Variants in PARD6G observed in about 807,000 individuals in gnomAD.
PARD6G encodes the protein par-6 family cell polarity regulator gamma.
PARD6G carries 7 observed loss-of-function variants against 10.7 expected under a neutral mutation model. The observed-to-expected ratio is 0.66, with a 90% CI of 0.37 to 1.23. PARD6G has a LOEUF of 1.23. PARD6G is among the 50% of genes most tolerant of loss of function. The pLI is 0.02. For missense variants in PARD6G, 548 were observed against 571.8 expected, an observed-to-expected ratio of 0.96 and a Z score of 0.42; for synonymous variants, 287 against 269.4, an observed-to-expected ratio of 1.07 and a Z score of -0.64.
chr18:80,159,957 G>T lies in PARD6G; in HGVS notation c.945C>A (p.Thr315=). ...AGAGGCTGCCTGCGGGCGCGCCCGG[G>T]GTCTGGGGGGGACGTGCAGGCTCCA... ...GTLEPARPPQ[T]PGAPAGSLSR... is the part of the protein sequence containing the mutation. Residue 315 remains threonine, a synonymous_variant, in exon 3 of 3, where the codon ACC becomes ACA. Transcript: ENST00000353265. 1 of 1,494,164 alleles carries T rather than the reference G, an allele frequency of 6.7e-7. No homozygotes were observed. The highest frequency in any genetic ancestry group is 1.4e-5 in the African/African-American group (1 of 70,100). 92.6% of individuals were successfully genotyped at this position (1,494,164 alleles called of 1,614,324 possible).
chr18:80,195,097 C>T (rs561810493), intron 2 of PARD6G, among the ~76,000 whole-genome samples: 9 of 152,280 alleles, frequency 5.9e-5, no homozygotes, highest in African/African-American at 1.7e-4. Context: ...AAGAAAGCCC[C>T]AACCTGTGCC....
chr18:80,204,217 ATAAAG>A (rs1967035076), intron 1 of PARD6G, among the ~76,000 whole-genome samples: 1 of 152,214 alleles, frequency 6.6e-6, no homozygotes, highest in East Asian at 1.9e-4. Context: ...ATATATACAA[ATAAAG>A]TAATGTTTAT....
intron 2 of PARD6G, chr18:80,171,321 C>T (rs973384849): frequency 1.3e-5 from 2 of 152,152 alleles, no homozygotes; most frequent in Non-Finnish European, 2.9e-5. Flanking sequence ...TCTCCACCCT[C>T]CTGGGAAGTC....
chr18:80,169,117 A>T lies in PARD6G; in HGVS notation c.296-8511T>A, dbSNP rs554328170. On this transcript the variant is annotated intron_variant, in intron 2 of 2. Coordinates refer to ENST00000353265, the MANE Select transcript of PARD6G (RefSeq NM_032510.4). ...GCCTTCACGCTCCGGTCACTCAGGA[A>T]GGTGGCTGTGCATGCCTGAGAGCTT... 3.3e-3 allele frequency: 554 copies of T among 169,474 alleles called. 4 individuals carry two copies. The highest frequency in any genetic ancestry group is 0.012 in the African/African-American group (519 of 41,642). 10.5% of individuals were successfully genotyped at this position (169,474 alleles called of 1,614,324 possible). A position where few individuals can be genotyped will look rare whatever the true frequency, so the allele number is the denominator to read the frequency against.
intron 1 of PARD6G, among the ~76,000 whole-genome samples, chr18:80,209,406 A>G (rs549630758): frequency 6.6e-6 from 1 of 152,184 alleles, no homozygotes; most frequent in South Asian, 2.1e-4. Context: ...GTTGACCCCA[A>G]CTATTATTCC....
intron 1 of PARD6G, among the ~76,000 whole-genome samples, chr18:80,232,819 T>C (rs1177592827): frequency 6.6e-6 from 1 of 152,174 alleles, no homozygotes; most frequent in Admixed American, 6.5e-5. Flanking sequence ...GGGTCTAAGA[T>C]GCATGAGGGC....
intron 1 of PARD6G, among the ~76,000 whole-genome samples, chr18:80,226,031 T>G (rs983270755): frequency 4.6e-5 from 7 of 152,096 alleles, no homozygotes; most frequent in Non-Finnish European, 7.4e-5. Context: ...GATCATACAC[T>G]GTTATATTTT....
intron 1 of PARD6G, among the ~76,000 whole-genome samples, chr18:80,224,784 T>C (rs942484303): frequency 1.9e-4 from 29 of 151,814 alleles, no homozygotes; most frequent in African/African-American, 6.5e-4. Flanking sequence ...GAGGCGGAGG[T>C]TGCAGTGAGC....
chr18:80,241,550 GGCACATATAT>G (rs2145308789), intron 1 of PARD6G, among the ~76,000 whole-genome samples: 1 of 152,278 alleles, frequency 6.6e-6, no homozygotes, highest in South Asian at 2.1e-4. Context: ...GATGGTCCCT[GGCACATATAT>G]GCACGTATAT....
chr18:80,214,364 G>C (rs1250952894), intron 1 of PARD6G, among the ~76,000 whole-genome samples: 1 of 152,142 alleles, frequency 6.6e-6, no homozygotes, highest in Non-Finnish European at 1.5e-5. Context: ...TACTCTGGAG[G>C]CTGAGGCGGG....
chr18:80,199,924 C>T (rs1004877359), intron 2 of PARD6G, among the ~76,000 whole-genome samples: 1 of 152,170 alleles, frequency 6.6e-6, no homozygotes, highest in South Asian at 2.1e-4. Flanking sequence ...GGATTACAGG[C>T]GTGAGCCACC....
intron 2 of PARD6G, among the ~76,000 whole-genome samples, chr18:80,168,585 GT>G (rs1872400631): frequency 6.6e-6 from 1 of 150,590 alleles, no homozygotes; most frequent in African/African-American, 2.4e-5. Flanking sequence ...GTGTGTGTGT[GT>G]GTGTGTGTGT....
rs1832352808 is a variant in PARD6G, at chr18:80,158,523, G to A, written c.*1248C>T. 6.6e-6 allele frequency: 1 copy of A among 152,312 alleles called. No homozygotes were observed. Among genetic ancestry groups the A allele is most frequent in the Admixed American group, 6.5e-5 (1 of 15,286 alleles). The allele number at this position is 152,312 out of a possible 1,614,324, so 9.4% of individuals were successfully genotyped here. On this transcript the variant is annotated 3_prime_UTR_variant, in exon 3 of 3. Transcript: ENST00000353265. Reference sequence around the variant, plus strand: ...CTTCCTACCCTGGATTTCCCCTTGAGGCTGAATGGGCCACCTATGTGGGTC... The same window carrying A: ...CTTCCTACCCTGGATTTCCCCTTGAAGCTGAATGGGCCACCTATGTGGGTC...
intron 2 of PARD6G, among the ~76,000 whole-genome samples, chr18:80,173,362 C>T (rs567249353): frequency 6.6e-6 from 1 of 152,230 alleles, no homozygotes; most frequent in South Asian, 2.1e-4. Flanking sequence ...CGGTGGCTCA[C>T]GTCTGTAATC....
At chr18:80,230,398 C>T (rs1272098727) in intron 1 of PARD6G, among the ~76,000 whole-genome samples, 1 of 152,190 alleles carries the variant, frequency 6.6e-6, no homozygotes, top group Non-Finnish European at 1.5e-5. Flanking sequence ...GAGCGTGGGA[C>T]TCGGCAGTAG....
chr18:80,232,820 G>A (rs1380755439), intron 1 of PARD6G, among the ~76,000 whole-genome samples: 2 of 152,226 alleles, frequency 1.3e-5, no homozygotes, highest in African/African-American at 4.8e-5. Flanking sequence ...GGTCTAAGAT[G>A]CATGAGGGCA....
At chr18:80,214,108 A>T (rs1053812065) in intron 1 of PARD6G, among the ~76,000 whole-genome samples, 8 of 152,180 alleles carry the variant, frequency 5.3e-5, no homozygotes, top group African/African-American at 1.9e-4. Context: ...ATTAGCTATT[A>T]TAAATATTTT....
chr18:80,205,556 G>C (rs375772365), intron 1 of PARD6G, among the ~76,000 whole-genome samples: 1 of 152,184 alleles, frequency 6.6e-6, no homozygotes, highest in East Asian at 1.9e-4. Context: ...GTGATGGTGA[G>C]TGAGTGAGTG....
intron 1 of PARD6G, among the ~76,000 whole-genome samples, chr18:80,205,736 C>A (rs1967048142): frequency 6.6e-6 from 1 of 152,172 alleles, no homozygotes; most frequent in South Asian, 2.1e-4. Flanking sequence ...CCTGTGGAAC[C>A]GTGAGCCAAT....
Sources: gnomAD v4.1 joint callset for allele counts (sites outside exome capture counted in the v4.1 genomes callset) on GRCh38, gnomAD v4.1.1 for gene constraint, MANE v1.5 for transcripts, NCBI Gene and HGNC (gene_info 2026-07-23, HGNC 2026-07-21) for gene names.